The following KCNQ4 variants were observed in gnomAD, a reference collection of about 807,000 sequenced individuals.
The protein encoded by KCNQ4 is potassium voltage-gated channel subfamily KQT member 4.
A neutral mutation model predicts 72.6 loss-of-function variants in KCNQ4; 31 were observed. The observed-to-expected ratio is 0.43, with a 90% CI of 0.32 to 0.58. The LOEUF is 0.58. Among genes scored for constraint, KCNQ4 ranks in the 20% least tolerant of loss-of-function variants. The probability of loss-of-function intolerance (pLI) is 0.08; values close to 1 mark genes in which losing one functional copy is unlikely to be tolerated. For synonymous variants in KCNQ4, 405 were observed against 403.7 expected (o/e 1.00, Z -0.04); for missense variants, 869 against 962.6 (o/e 0.90, Z 1.29).
intron 9 of KCNQ4, among the ~76,000 whole-genome samples, chr1:40,826,170 G>T (rs1366350502): frequency 6.6e-6 from 1 of 152,214 alleles, no homozygotes; most frequent in Non-Finnish European, 1.5e-5. Flanking sequence ...CACTCGGTTG[G>T]CCACACCTCT....
chr1:40,786,062 T>C (rs1243038758), intron 1 of KCNQ4, among the ~76,000 whole-genome samples: 1 of 152,046 alleles, frequency 6.6e-6, no homozygotes, highest in Non-Finnish European at 1.5e-5. Flanking sequence ...AAGAGGCCCG[T>C]TGGAGTGAGG....
At chr1:40,830,493 T>G (rs1472953161) in intron 9 of KCNQ4, among the ~76,000 whole-genome samples, 2 of 152,090 alleles carry the variant, frequency 1.3e-5, no homozygotes, top group Non-Finnish European at 2.9e-5. Context: ...AAATGACACA[T>G]GTAAACACAC....
At chr1:40,814,909 G>A (rs1353499338) in intron 1 of KCNQ4, among the ~76,000 whole-genome samples, 4 of 151,900 alleles carry the variant, frequency 2.6e-5, no homozygotes, top group Non-Finnish European at 5.9e-5. Context: ...TTGTGAAGTG[G>A]AAATTTTATA....
chr1:40,830,228 C>G (rs1303360070), intron 9 of KCNQ4, among the ~76,000 whole-genome samples: 1 of 152,126 alleles, frequency 6.6e-6, no homozygotes, highest in Admixed American at 6.5e-5. Context: ...AACATGTTAT[C>G]AAATAGAGAC....
chr1:40,834,551 C>G (rs1286139027), intron 11 of KCNQ4, among the ~76,000 whole-genome samples: 2 of 151,626 alleles, frequency 1.3e-5, no homozygotes, highest in African/African-American at 2.4e-5. Flanking sequence ...TCGAGACCAG[C>G]CTGGGCAGCA....
Position 40,817,379 on chromosome 1 carries a change from G to C in KCNQ4, c.405+24G>C, listed in dbSNP as rs1648125494. ...TGGTAAGTGCTGGGAGTCCGGGACT[G>C]AGGGGGGCTGTGTGAGGTAGCACCT... is the stretch of plus-strand genomic sequence containing the variant. On this transcript the variant is annotated intron_variant, in intron 2 of 13. Coordinates refer to ENST00000347132, the MANE Select transcript of KCNQ4 (RefSeq NM_004700.4). The surrounding 1 kb of genome is among the most constrained non-coding windows in gnomAD (Gnocchi z 5.5). The C allele has an allele frequency of 1.9e-6, 3 of 1,590,936 alleles. No homozygotes were observed. The highest frequency in any genetic ancestry group is 2.6e-6 in the Non-Finnish European group (3 of 1,160,788).
chr1:40,802,640 G>T (rs1162719847), intron 1 of KCNQ4, among the ~76,000 whole-genome samples: 5 of 152,172 alleles, frequency 3.3e-5, no homozygotes, highest in Admixed American at 2.0e-4. Context: ...GAGCCCGGGC[G>T]GGGGAAGGGG....
chr1:40,791,831 G>T (rs892560163), intron 1 of KCNQ4, among the ~76,000 whole-genome samples: 1 of 152,198 alleles, frequency 6.6e-6, no homozygotes, highest in Admixed American at 6.5e-5. Context: ...ATGGAGGTCA[G>T]ACAGCAGGAA....
At chr1:40,815,186 G>T (rs1367162687) in intron 1 of KCNQ4, among the ~76,000 whole-genome samples, 1 of 147,724 alleles carries the variant, frequency 6.8e-6, no homozygotes, top group Non-Finnish European at 1.5e-5. Flanking sequence ...GTTGCAGTGA[G>T]CCGAGATCAC....
intron 1 of KCNQ4, among the ~76,000 whole-genome samples, chr1:40,813,346 G>A (rs1052151343): frequency 6.6e-6 from 1 of 152,244 alleles, no homozygotes; most frequent in Non-Finnish European, 1.5e-5. Context: ...GGGAGGCCAG[G>A]TAGGTGCCAG....
chr1:40,800,631 A>C (rs1177749634), intron 1 of KCNQ4, among the ~76,000 whole-genome samples: 1 of 152,144 alleles, frequency 6.6e-6, no homozygotes, highest in Non-Finnish European at 1.5e-5. Flanking sequence ...CACTCGCTGA[A>C]ACTCAAGGCC....
At chr1:40,810,174 C>A (rs1451374680) in intron 1 of KCNQ4, among the ~76,000 whole-genome samples, 1 of 152,158 alleles carries the variant, frequency 6.6e-6, no homozygotes, top group Admixed American at 6.5e-5. Context: ...TTCCACTGCC[C>A]CCTTCACTTT....
At chr1:40,829,298 G>A (rs796172647) in intron 9 of KCNQ4, among the ~76,000 whole-genome samples, 3 of 152,326 alleles carry the variant, frequency 2.0e-5, no homozygotes, top group African/African-American at 7.2e-5. Flanking sequence ...CTCTGCAGAG[G>A]AAAGTTTGGG....
intron 11 of KCNQ4, 132 bp from the exon 12 acceptor site, chr1:40,834,835 A>T (rs1648762832): frequency 8.3e-7 from 1 of 1,211,228 alleles, no homozygotes; most frequent in African/African-American, 1.5e-5. Context: ...GAGACGCAGC[A>T]GAGGCTGTTC....
At chr1:40,805,523 T>C (rs1409526431) in intron 1 of KCNQ4, among the ~76,000 whole-genome samples, 1 of 151,972 alleles carries the variant, frequency 6.6e-6, no homozygotes, top group Admixed American at 6.5e-5. Flanking sequence ...ATGTGTTGGA[T>C]TTGTTTTTCC....
chr1:40,820,257 C>A lies in KCNQ4; in HGVS notation c.1038C>A (p.Ile346=). 1 of 1,602,206 alleles carries A rather than the reference C, an allele frequency of 6.2e-7. No individual in the cohort carries two copies. Among genetic ancestry groups the A allele is most frequent in the Non-Finnish European group, 8.5e-7 (1 of 1,174,524 alleles). The change falls in exon 7 of 14, where the codon ATC becomes ATA. Residue 346 remains isoleucine, a synonymous_variant. Coordinates refer to ENST00000347132, the MANE Select transcript of KCNQ4 (RefSeq NM_004700.4). The part of the protein sequence containing the change: ...EKRRMPAANL[I]QAAWRLYSTD... ...GGAGGATGCCGGCAGCCAACCTCAT[C>A]CAGGTACAAGATGCCCGGGAAGAAG...
chr1:40,826,709 G>A (rs1362630678), intron 9 of KCNQ4: 5 of 453,942 alleles, frequency 1.1e-5, no homozygotes, highest in South Asian at 7.8e-5. Flanking sequence ...CCCCTCGCCT[G>A]CTCCTCCTGT....
At chr1:40,823,540 A>G (rs1219568648) in intron 8 of KCNQ4, among the ~76,000 whole-genome samples, 1 of 152,178 alleles carries the variant, frequency 6.6e-6, no homozygotes, top group African/African-American at 2.4e-5. Flanking sequence ...TTGGTCATCC[A>G]TGCAATGGGA....
intron 1 of KCNQ4, among the ~76,000 whole-genome samples, chr1:40,793,561 A>T (rs1647331369): frequency 1.3e-5 from 2 of 152,014 alleles, no homozygotes; most frequent in Non-Finnish European, 2.9e-5. Flanking sequence ...TTCCCTGGGC[A>T]TCTCAAACTC....
Sources: allele counts gnomAD v4.1 joint callset (sites outside exome capture counted in the v4.1 genomes callset), GRCh38; gene constraint gnomAD v4.1.1; non-coding constraint Gnocchi (gnomAD v3.1); transcripts MANE v1.5; gene names NCBI Gene and HGNC (gene_info 2026-07-23, HGNC 2026-07-21).